PDE1C: variants seen among roughly 807,000 people sequenced by gnomAD.
PDE1C encodes the protein dual specificity calcium/calmodulin-dependent 3',5'-cyclic nucleotide phosphodiesterase 1C.
In PDE1C, 62 loss-of-function variants were observed where a neutral mutation model predicts 93.1. The observed-to-expected ratio is 0.67, with a 90% CI of 0.54 to 0.82. The LOEUF is 0.82. Among genes scored for constraint, PDE1C ranks in the 40% least tolerant of loss-of-function variants. The pLI is 0.00. For synonymous variants in PDE1C, 325 were observed against 310.1 expected (o/e 1.05, Z -0.50); for missense variants, 742 against 884.6 (o/e 0.84, Z 2.04).
At chr7:32,198,928 C>T (rs970889415) in intron 2 of PDE1C, among the ~76,000 whole-genome samples, 1 of 151,932 alleles carries the variant, frequency 6.6e-6, no homozygotes, top group African/African-American at 2.4e-5. Flanking sequence ...ACCAGCCTGG[C>T]CAACATGGTG....
At chr7:32,421,270 C>G (rs955603772) in intron 1 of PDE1C, among the ~76,000 whole-genome samples, 2 of 152,210 alleles carry the variant, frequency 1.3e-5, no homozygotes, top group Non-Finnish European at 2.9e-5. Context: ...CTCCCCGCGG[C>G]CTTCAGCCTC....
intron 7 of PDE1C, among the ~76,000 whole-genome samples, chr7:31,863,291 TG>T (rs1050013485): frequency 1.3e-5 from 2 of 152,214 alleles, no homozygotes; most frequent in Admixed American, 1.3e-4. Flanking sequence ...AGAGCTCTTT[TG>T]TCTAGACCTA....
chr7:31,974,369 G>A (rs555270483), intron 2 of PDE1C, among the ~76,000 whole-genome samples: 69 of 152,260 alleles, frequency 4.5e-4, no homozygotes, highest in Non-Finnish European at 8.4e-4. Context: ...ACATGGCACA[G>A]GTTTCAAAAT....
At chr7:31,670,420 TAATC>T in the PDE1C span, among the ~76,000 whole-genome samples, 1 of 152,176 alleles carries the variant, frequency 6.6e-6, no homozygotes, top group Non-Finnish European at 1.5e-5. Flanking sequence ...CAGATCCTGT[TAATC>T]AATTATAAAT....
intron 3 of PDE1C, among the ~76,000 whole-genome samples, chr7:32,078,959 A>G (rs1796506704): frequency 6.6e-6 from 1 of 151,966 alleles, no homozygotes; most frequent in Admixed American, 6.6e-5. Flanking sequence ...CTAAGGCTTT[A>G]TACTCTTGCC....
intron 9 of PDE1C, among the ~76,000 whole-genome samples, chr7:31,838,791 T>G (rs770738057): frequency 1.3e-5 from 2 of 152,064 alleles, no homozygotes; most frequent in Non-Finnish European, 2.9e-5. Flanking sequence ...TTTACATAAA[T>G]TGCAGAATGT....
At chr7:31,907,607 T>G (rs1043130631) in intron 2 of PDE1C, among the ~76,000 whole-genome samples, 2 of 152,202 alleles carry the variant, frequency 1.3e-5, no homozygotes, top group Non-Finnish European at 2.9e-5. Flanking sequence ...ATTTCATTCT[T>G]TGTTGAAAGC....
chr7:31,897,793 C>A lies in PDE1C; in HGVS notation c.129-16933G>T, dbSNP rs188755011. Among the ~76,000 whole-genome samples, 1,231 of 152,206 alleles carry A rather than the reference C, an allele frequency of 8.1e-3. 7 individuals are homozygous for A. Among genetic ancestry groups the A allele is most frequent in the Non-Finnish European group, 0.012 (831 of 68,000 alleles). On this transcript the variant is annotated intron_variant, in intron 2 of 17. Transcript: ENST00000396191. Reference sequence around the variant, plus strand: ...ATAGAATCTCCAACGCTCATTAATTCTTCTATATTCACATGCTTTTGGTTA... The same window carrying A: ...ATAGAATCTCCAACGCTCATTAATTATTCTATATTCACATGCTTTTGGTTA...
chr7:32,380,381 G>A (rs1784510321), intron 1 of PDE1C, among the ~76,000 whole-genome samples: 1 of 149,970 alleles, frequency 6.7e-6, no homozygotes, highest in African/African-American at 2.5e-5. Flanking sequence ...GGGACTATAG[G>A]CGCATGCCAC....
chr7:31,746,484 G>C (rs6966065), downstream of PDE1C, among the ~76,000 whole-genome samples: 120,739 of 152,184 alleles, frequency 0.79, 48,338 homozygotes, highest in Middle Eastern at 0.86. Context: ...ACAGGACTGA[G>C]AGAGTGACAA....
At chr7:31,749,319 G>A (rs1221002484), downstream of PDE1C, among the ~76,000 whole-genome samples, 1 of 152,092 alleles carries the variant, frequency 6.6e-6, no homozygotes, top group African/African-American at 2.4e-5. Flanking sequence ...AGGTGGTGGT[G>A]GAAGTGGAAA....
rs143781657 is a variant in PDE1C at position 31,882,555 on chromosome 7, C to T, written c.129-1695G>A. Among the ~76,000 whole-genome samples the T allele has an allele frequency of 1.8e-3, 270 of 151,836 alleles. 2 individuals are homozygous for T. Among genetic ancestry groups the T allele is most frequent in the Middle Eastern group, 6.8e-3 (2 of 294 alleles). On this transcript the variant is annotated intron_variant, in intron 2 of 17. Transcript: ENST00000396191. ...CCCCTAGGCTGTTTGGACTCCCAAA[C>T]GAAAAAATGAGAGTAAAATTAAACT...
At chr7:32,370,435 T>G (rs1784309604) in intron 1 of PDE1C, among the ~76,000 whole-genome samples, 1 of 118,486 alleles carries the variant, frequency 8.4e-6, no homozygotes, top group Non-Finnish European at 1.7e-5. Flanking sequence ...GGCGACAGAG[T>G]GAGACTCCTC....
the PDE1C span, among the ~76,000 whole-genome samples, chr7:31,691,239 C>T: frequency 1.3e-5 from 2 of 152,174 alleles, no homozygotes; most frequent in Non-Finnish European, 2.9e-5. Context: ...GGAAGAGACC[C>T]TCCCACCTTT....
the PDE1C span, among the ~76,000 whole-genome samples, chr7:31,681,142 C>T: frequency 6.6e-6 from 1 of 152,166 alleles, no homozygotes; most frequent in Non-Finnish European, 1.5e-5. Flanking sequence ...TTCCTACAGA[C>T]AGATTGGAAT....
At chr7:31,710,783 G>C in the PDE1C span, among the ~76,000 whole-genome samples, 5,785 of 152,284 alleles carry the variant, frequency 0.038, 388 homozygotes, top group African/African-American at 0.13. Flanking sequence ...CATGAACTGA[G>C]AATATACTCT....
chr7:32,415,783 A>C (rs913581720), intron 1 of PDE1C, among the ~76,000 whole-genome samples: 53 of 152,164 alleles, frequency 3.5e-4, no homozygotes, highest in African/African-American at 1.3e-3. Flanking sequence ...GGAAAAAGTG[A>C]CAGAATGGAA....
At chr7:31,660,277 TA>T in the PDE1C span, among the ~76,000 whole-genome samples, 2 of 152,206 alleles carry the variant, frequency 1.3e-5, no homozygotes, top group African/African-American at 4.8e-5. Context: ...CTTATTAAAA[TA>T]AATTTCTAAA....
chr7:32,188,142 GT>G (rs988662011), intron 2 of PDE1C, among the ~76,000 whole-genome samples: 23 of 150,330 alleles, frequency 1.5e-4, no homozygotes, highest in African/African-American at 5.2e-4. Context: ...AGTCTGATAG[GT>G]TTTTTTTCTT....
Sources: gnomAD v4.1 joint callset for allele counts (sites outside exome capture counted in the v4.1 genomes callset) on GRCh38, gnomAD v4.1.1 for gene constraint, MANE v1.5 for transcripts, NCBI Gene and HGNC (gene_info 2026-07-23, HGNC 2026-07-21) for gene names.